CDKAL1: variants seen among roughly 807,000 people sequenced by gnomAD.
CDKAL1 encodes the protein threonylcarbamoyladenosine tRNA methylthiotransferase.
In CDKAL1, 32 loss-of-function variants were observed where a neutral mutation model predicts 68.2. The ratio of observed to expected loss-of-function variants is 0.47; its 90% CI spans 0.35 to 0.63. The LOEUF is 0.63. Among genes scored for constraint, CDKAL1 ranks in the 30% least tolerant of loss-of-function variants. The pLI is 0.00. For missense variants in CDKAL1, 606 were observed against 696.7 expected (o/e 0.87, Z 1.47); for synonymous variants, 234 against 244.3 (o/e 0.96, Z 0.39).
chr6:20,659,756 C>G (rs1039725406), intron 5 of CDKAL1, among the ~76,000 whole-genome samples: 6 of 152,142 alleles, frequency 3.9e-5, no homozygotes, highest in Admixed American at 3.3e-4. Context: ...AGGGCCTCCT[C>G]CTTATCTACC....
intron 8 of CDKAL1, among the ~76,000 whole-genome samples, 160 bp downstream of exon 8, chr6:20,781,425 T>C (rs561171501): frequency 4.6e-5 from 7 of 152,344 alleles, no homozygotes; most frequent in African/African-American, 1.7e-4. Flanking sequence ...ATGTTTCCTG[T>C]ATGTAAACTA....
chr6:20,934,847 C>T (rs76038260), intron 9 of CDKAL1, among the ~76,000 whole-genome samples: 8,781 of 151,786 alleles, frequency 0.058, 458 homozygotes, highest in East Asian at 0.26. Context: ...GAGACCTTGT[C>T]GCAAAGAAAC....
chr6:20,820,151 G>A (rs1777217738), intron 8 of CDKAL1, among the ~76,000 whole-genome samples: 1 of 152,166 alleles, frequency 6.6e-6, no homozygotes, highest in African/African-American at 2.4e-5. Context: ...GGGCCTCAAA[G>A]TATGTAGGCT....
chr6:20,873,629 T>G (rs1760337417), intron 9 of CDKAL1, among the ~76,000 whole-genome samples: 1 of 152,078 alleles, frequency 6.6e-6, no homozygotes, highest in Non-Finnish European at 1.5e-5. Flanking sequence ...GTGCTGATAA[T>G]CAGTATTTAG....
At chr6:20,834,321 A>G (rs1777841125) in intron 8 of CDKAL1, among the ~76,000 whole-genome samples, 1 of 152,202 alleles carries the variant, frequency 6.6e-6, no homozygotes. Context: ...CTGCATTTTC[A>G]CAATGAACTG....
At chr6:20,770,215 A>G (rs953031555) in intron 7 of CDKAL1, among the ~76,000 whole-genome samples, 1 of 152,182 alleles carries the variant, frequency 6.6e-6, no homozygotes, top group Non-Finnish European at 1.5e-5. Context: ...ATACCATGCT[A>G]TAAAGGTGCT....
intron 8 of CDKAL1, among the ~76,000 whole-genome samples, chr6:20,806,852 T>A (rs925081854): frequency 6.6e-6 from 1 of 152,198 alleles, no homozygotes; most frequent in Admixed American, 6.5e-5. Context: ...AAGCATTACT[T>A]AGTTCAAGCT....
intron 5 of CDKAL1, among the ~76,000 whole-genome samples, chr6:20,673,785 C>T (rs1425035212): frequency 6.6e-6 from 1 of 152,176 alleles, no homozygotes; most frequent in Non-Finnish European, 1.5e-5. Flanking sequence ...ATGTGACTTA[C>T]TCCTCCTTAC....
intron 7 of CDKAL1, among the ~76,000 whole-genome samples, chr6:20,773,835 T>C (rs1581552788): frequency 6.6e-6 from 1 of 152,308 alleles, no homozygotes; most frequent in African/African-American, 2.4e-5. Context: ...CTTGAGCTGC[T>C]GCACCTGGCC....
chr6:20,608,773 G>A (rs1581810992), intron 4 of CDKAL1, among the ~76,000 whole-genome samples: 1 of 152,144 alleles, frequency 6.6e-6, no homozygotes, highest in East Asian at 1.9e-4. Context: ...TCTACTCTTA[G>A]CAAGGGTGAT....
rs115963200 is a variant in CDKAL1, at chr6:21,159,389, A to C, written c.1300-38632A>C. ...AAGTTGCCTTCTGACTGGTCCCTCC[A>C]TACCCATTCTTGTTCCTCTCTCGAA... On this transcript the variant is annotated intron_variant, in intron 13 of 15. Coordinates refer to ENST00000274695, the MANE Select transcript of CDKAL1 (RefSeq NM_017774.3). Among the ~76,000 whole-genome samples, 631 of 152,334 alleles carry C rather than the reference A, an allele frequency of 4.1e-3. 7 individuals carry two copies. Among genetic ancestry groups the C allele is most frequent in the African/African-American group, 0.015 (606 of 41,566 alleles).
chr6:20,859,026 C>A (rs1759479906), intron 9 of CDKAL1, among the ~76,000 whole-genome samples: 1 of 151,426 alleles, frequency 6.6e-6, no homozygotes, highest in Non-Finnish European at 1.5e-5. Flanking sequence ...GCATATTATC[C>A]ATTTTTTAGT....
chr6:21,032,622 T>G (rs1769358453), intron 11 of CDKAL1, among the ~76,000 whole-genome samples: 1 of 152,142 alleles, frequency 6.6e-6, no homozygotes, highest in Non-Finnish European at 1.5e-5. Flanking sequence ...AATACTGTAT[T>G]TTTACCATAC....
chr6:20,920,079 C>A (rs1002652558), intron 9 of CDKAL1, among the ~76,000 whole-genome samples: 5 of 152,134 alleles, frequency 3.3e-5, no homozygotes, highest in Admixed American at 6.5e-5. Flanking sequence ...TAGTATTGAG[C>A]CTCATTCTTA....
At chr6:20,548,562 T>A (rs1326689921) in intron 3 of CDKAL1, 31 bp from the exon 4 acceptor site, 10 of 1,008,824 alleles carry the variant, frequency 9.9e-6, no homozygotes, top group Non-Finnish European at 1.5e-5. Flanking sequence ...CAATGAAACT[T>A]ACTTTTTTTT....
At chr6:20,721,127 A>G (rs1044151998) in intron 5 of CDKAL1, among the ~76,000 whole-genome samples, 4 of 126,990 alleles carry the variant, frequency 3.1e-5, no homozygotes, top group Non-Finnish European at 6.6e-5. Context: ...CTACCCCACA[A>G]CAGGCCCCGG....
intron 4 of CDKAL1, among the ~76,000 whole-genome samples, chr6:20,639,923 C>T (rs369442117): frequency 1.3e-5 from 2 of 152,382 alleles, no homozygotes; most frequent in East Asian, 1.9e-4. Flanking sequence ...CCCGCCTTGG[C>T]CTCCCAGAGT....
intron 12 of CDKAL1, among the ~76,000 whole-genome samples, chr6:21,084,490 T>C (rs533256486): frequency 6.6e-6 from 1 of 152,304 alleles, no homozygotes; most frequent in African/African-American, 2.4e-5. Context: ...GGGGAATTCG[T>C]AGGTCATAAG....
chr6:21,203,362 G>T (rs1019104123), intron 15 of CDKAL1, among the ~76,000 whole-genome samples: 1 of 150,382 alleles, frequency 6.6e-6, no homozygotes, highest in African/African-American at 2.4e-5. Context: ...TCAGCCTCCT[G>T]AGTAGCTGGA....
Sources: gnomAD v4.1 joint callset for allele counts (sites outside exome capture counted in the v4.1 genomes callset) on GRCh38, gnomAD v4.1.1 for gene constraint, MANE v1.5 for transcripts, NCBI Gene and HGNC (gene_info 2026-07-23, HGNC 2026-07-21) for gene names.